CR2: variants seen among roughly 807,000 people sequenced by gnomAD.
CR2 encodes the protein complement receptor type 2.
CR2 carries 96 observed loss-of-function variants against 123.0 expected under a neutral mutation model. The ratio of observed to expected loss-of-function variants is 0.78; its 90% CI spans 0.66 to 0.93. The LOEUF is 0.93. CR2 is among the 40% of genes least tolerant of loss of function. The pLI is 0.00. For synonymous variants in CR2, 484 were observed against 469.5 expected, an observed-to-expected ratio of 1.03 and a Z score of -0.40; for missense variants, 1,258 against 1,361.0, an observed-to-expected ratio of 0.92 and a Z score of 1.19.
intron 1 of CR2, among the ~76,000 whole-genome samples, chr1:207,458,092 A>ACACACACACACT (rs1657884173): frequency 6.6e-6 from 1 of 151,142 alleles, no homozygotes; most frequent in African/African-American, 2.4e-5. Flanking sequence ...ACACACACAC[A>ACACACACACACT]CACACACTCC....
rs1319171036 is a variant in CR2, at chr1:207,471,513, A to G, written c.1570+14A>G. ...GTCTTTGTAAAGGTGAGTAGCAAAA[A>G]TGATATAGGAGCTGAAATAATGTGA... On this transcript the variant is annotated intron_variant, in intron 9 of 19. Coordinates refer to ENST00000367057, the MANE Select transcript of CR2 (RefSeq NM_001006658.3). The G allele has an allele frequency of 7.1e-6, 11 of 1,556,966 alleles. No homozygotes were observed. In the East Asian group the frequency reaches 2.5e-4, roughly 35 times the overall value.
At chr1:207,472,675 G>C (rs1267593004) in intron 9 of CR2, 97 bp from the exon 10 acceptor site, 4 of 1,304,730 alleles carry the variant, frequency 3.1e-6, no homozygotes, top group Non-Finnish European at 4.4e-6. Flanking sequence ...TACCGTCCAG[G>C]AAACAACAGA....
chr1:207,460,980 A>G (rs953765939), intron 1 of CR2, among the ~76,000 whole-genome samples: 1 of 152,158 alleles, frequency 6.6e-6, no homozygotes, highest in Admixed American at 6.5e-5. Flanking sequence ...AGTAATTTTC[A>G]GGATCATATG....
intron 1 of CR2, 123 bp from the exon 2 acceptor site, chr1:207,466,403 T>G (rs1240701992): frequency 1.8e-6 from 2 of 1,133,616 alleles, no homozygotes. Context: ...ATAAATAAAC[T>G]ATACATATTT....
At position 207,454,487 on chromosome 1, in the gene CR2, AG is replaced by A; in HGVS notation, c.58+16del. ...CACCGGGGGTCCTCGGTGAGCTGGG[AG>A]GGGGAGCACGGAGGTGGGGACGCGT... On this transcript the variant is annotated intron_variant, in intron 1 of 19. Transcript: ENST00000367057. The surrounding 1 kb of genome is among the most constrained non-coding windows in gnomAD (Gnocchi z 4.3). The A allele has an allele frequency of 1.3e-6, 2 of 1,548,230 alleles. No individual in the cohort carries two copies. The highest frequency in any genetic ancestry group is 1.7e-6 in the Non-Finnish European group (2 of 1,150,280).
chr1:207,469,856 G>A lies in CR2; in HGVS notation c.979G>A (p.Val327Ile), dbSNP rs1470591158. Residue 327 changes from valine to isoleucine, a missense_variant, in exon 6 of 20, where the codon GTT becomes ATT. Val to Ile is a conservative substitution (Grantham distance 29, BLOSUM62 3). Transcript: ENST00000367057. The part of the protein sequence containing the change: ...LIGESTLRCT[V>I]DSQKTGTWSG... The stretch of plus-strand genomic sequence containing the variant: ...TGGAGAGAGCACTCTCCGTTGTACA[G>A]TTGATAGTCAGAAGACTGGGACCTG... The A allele has an allele frequency of 6.2e-7, 1 of 1,613,912 alleles. No homozygotes were observed. The highest frequency in any genetic ancestry group is 8.5e-7 in the Non-Finnish European group (1 of 1,179,968).
At position 207,454,668 on chromosome 1, in the gene CR2, G is replaced by A; in HGVS notation, c.58+192G>A. 1 of 524,518 alleles carries A rather than the reference G, an allele frequency of 1.9e-6. No homozygotes were observed. The highest frequency in any genetic ancestry group is 3.3e-6 in the Non-Finnish European group (1 of 299,294). 32.5% of individuals were successfully genotyped at this position (524,518 alleles called of 1,614,324 possible). A position where few individuals can be genotyped will look rare whatever the true frequency, so the allele number is the denominator to read the frequency against. On this transcript the variant is annotated intron_variant, in intron 1 of 19. Coordinates refer to ENST00000367057, the MANE Select transcript of CR2 (RefSeq NM_001006658.3). The surrounding 1 kb of genome is among the most constrained non-coding windows in gnomAD (Gnocchi z 4.3). The stretch of plus-strand genomic sequence containing the variant: ...TGATTGTCCCCACTGGCCCCTCCGG[G>A]AGCTGGGACCTCCAGAATTGGAGGC...
intron 1 of CR2, among the ~76,000 whole-genome samples, chr1:207,460,627 T>G (rs1015823058): frequency 1.3e-5 from 2 of 152,198 alleles, no homozygotes; most frequent in African/African-American, 4.8e-5. Context: ...TGTTTTCTGC[T>G]TGTCAGTTTA....
chr1:207,474,891 T>A lies in CR2; in HGVS notation c.2391T>A (p.Phe797Leu). The A allele has an allele frequency of 6.2e-7, 1 of 1,614,044 alleles. No individual in the cohort carries two copies. The highest frequency in any genetic ancestry group is 2.2e-5 in the East Asian group (1 of 44,870). Residue 797 changes from phenylalanine (F) to leucine (L), a missense_variant, in exon 14 of 20, where the codon TTT becomes TTA. Coordinates refer to ENST00000367057, the MANE Select transcript of CR2 (RefSeq NM_001006658.3). ...ACACAGGCATGATGGCAGAAAACTT[T>A]CTATATGGAAATGAAGTCTCTTATG... ...GKHTGMMAENFLYGNEVSYEC... is the reference protein window; with the variant it reads ...GKHTGMMAENLLYGNEVSYEC...
rs539153612 is a variant in CR2, at chr1:207,471,926, A to G, written c.1570+427A>G. Reference sequence around the variant, plus strand: ...TCTTCTGTAAAGTTGGCATAAGACTACAGACTAGGAGGTCCAGAGAATGTA... The same window carrying G: ...TCTTCTGTAAAGTTGGCATAAGACTGCAGACTAGGAGGTCCAGAGAATGTA... On this transcript the variant is annotated intron_variant, in intron 9 of 19. Coordinates refer to ENST00000367057, the MANE Select transcript of CR2 (RefSeq NM_001006658.3). The G allele has an allele frequency of 5.2e-4, 147 of 280,044 alleles. 1 individual carries two copies. In the South Asian group the frequency reaches 5.6e-3, roughly 11 times the overall value. 17.3% of individuals were successfully genotyped at this position (280,044 alleles called of 1,614,324 possible).
Position 207,474,333 on chromosome 1 carries a change from A to G in CR2, c.2323+10A>G. The G allele has an allele frequency of 6.3e-7, 1 of 1,585,900 alleles. No individual in the cohort carries two copies. Among genetic ancestry groups the G allele is most frequent in the Non-Finnish European group, 8.7e-7 (1 of 1,154,644 alleles). ...ATTCCACTTTGTAAAGGTAAGTTAGAAAAAATAAAAGCCTGACAATGGTAA... is the reference window on the plus strand; with the variant it reads ...ATTCCACTTTGTAAAGGTAAGTTAGGAAAAATAAAAGCCTGACAATGGTAA... On this transcript the variant is annotated intron_variant, in intron 13 of 19. Transcript: ENST00000367057.
intron 1 of CR2, among the ~76,000 whole-genome samples, chr1:207,463,102 A>C (rs1417423915): frequency 6.6e-6 from 1 of 152,138 alleles, no homozygotes; most frequent in East Asian, 1.9e-4. Context: ...CCAGCCTCAA[A>C]TTCTGTTTGG....
intron 12 of CR2, 75 bp from the exon 13 acceptor site, chr1:207,474,166 A>C (rs780344127): frequency 2.2e-4 from 266 of 1,227,482 alleles, no homozygotes; most frequent in Non-Finnish European, 2.8e-4. Flanking sequence ...CTTATTTAGA[A>C]GTCCCTTTTT....
At chr1:207,486,256 A>AAAAAAAAAAAAAAAAAAT (rs1658747841) in intron 19 of CR2, among the ~76,000 whole-genome samples, 1 of 143,386 alleles carries the variant, frequency 7.0e-6, no homozygotes, top group East Asian at 2.0e-4. Context: ...AAAAAAAAAA[A>AAAAAAAAAAAAAAAAAAT]GCCAGCCATG....
chr1:207,457,537 A>G (rs1244309321), intron 1 of CR2, among the ~76,000 whole-genome samples: 1 of 152,072 alleles, frequency 6.6e-6, no homozygotes, highest in Non-Finnish European at 1.5e-5. Context: ...CTACTTACTC[A>G]AATTTCGTTA....
intron 16 of CR2, 72 bp downstream of exon 16, chr1:207,478,142 G>A (rs192232236): frequency 1.1e-5 from 16 of 1,482,854 alleles, no homozygotes; most frequent in Middle Eastern, 2.0e-4. Flanking sequence ...TTCCCTCAGC[G>A]TGGAGAGTCC....
At chr1:207,479,149 G>A in intron 16 of CR2, 108 bp from the exon 17 acceptor site, 1 of 877,930 alleles carries the variant, frequency 1.1e-6, no homozygotes, top group South Asian at 1.3e-5. Context: ...AATCGACTTG[G>A]AAGGGAGCTA....
chr1:207,471,178 A>C (rs1658266958), intron 8 of CR2, 91 bp downstream of exon 8: 1 of 1,285,938 alleles, frequency 7.8e-7, no homozygotes, highest in Admixed American at 1.7e-5. Context: ...TACACCCTGC[A>C]AGCTCTATGT....
In CR2 at chr1:207,472,927, T is replaced by C; in HGVS notation, c.1726T>C (p.Cys576Arg). 6.2e-7 allele frequency: 1 copy of C among 1,614,044 alleles called. No individual in the cohort carries two copies. The highest frequency in any genetic ancestry group is 2.2e-5 in the East Asian group (1 of 44,880). Residue 576 changes from cysteine (C) to arginine (R), a missense_variant, in exon 10 of 20, where the codon TGT becomes CGT. Cys to Arg is a radical substitution (Grantham distance 180, BLOSUM62 -3). Transcript: ENST00000367057. Reference protein sequence around the residue: ...FSLIGESTIRCTSNDQERGTW... With the variant: ...FSLIGESTIRRTSNDQERGTW... Reference sequence around the variant, plus strand: ...CCTCATTGGAGAGAGCACCATCCGTTGTACAAGCAATGATCAAGAAAGAGG... The same window carrying C: ...CCTCATTGGAGAGAGCACCATCCGTCGTACAAGCAATGATCAAGAAAGAGG...
Sources: gnomAD v4.1 joint callset for allele counts (sites outside exome capture counted in the v4.1 genomes callset) on GRCh38, gnomAD v4.1.1 for gene constraint, Gnocchi (gnomAD v3.1) non-coding constraint, MANE v1.5 for transcripts, NCBI Gene and HGNC (gene_info 2026-07-23, HGNC 2026-07-21) for gene names.